The following FEZF1 variants were observed in gnomAD, a reference collection of about 807,000 sequenced individuals.
The protein encoded by FEZF1 is FEZ family zinc finger 1, also known as fez family zinc finger protein 1.
FEZF1 carries 8 observed loss-of-function variants against 32.4 expected under a neutral mutation model. That is an observed-to-expected ratio of 0.25 (90% CI 0.15 to 0.45). The LOEUF is 0.45. FEZF1 is among the 20% of genes least tolerant of loss of function. The pLI is 1.00. For synonymous variants in FEZF1, 259 were observed against 265.2 expected (o/e 0.98, Z 0.23); for missense variants, 546 against 622.3 (o/e 0.88, Z 1.31).
At position 122,302,385 on chromosome 7, in the gene FEZF1, T is replaced by C. The variant is rs767513577; in HGVS notation, c.1070-30A>G. 6.2e-7 allele frequency: 1 copy of C among 1,605,418 alleles called. No individual in the cohort carries two copies. The highest frequency in any genetic ancestry group is 1.4e-5 in the African/African-American group (1 of 70,308). Reference sequence around the variant, plus strand: ...AACACACAAATGACAGGAATATGGTTCTGAAAAAAAAAATAGCTTAAAAAG... The same window carrying C: ...AACACACAAATGACAGGAATATGGTCCTGAAAAAAAAAATAGCTTAAAAAG... On this transcript the variant is annotated intron_variant, in intron 3 of 3. Coordinates refer to ENST00000442488, the MANE Select transcript of FEZF1 (RefSeq NM_001024613.4). The surrounding 1 kb of genome is among the most constrained non-coding windows in gnomAD (Gnocchi z 4.4).
intron 1 of FEZF1, 148 bp from the exon 2 acceptor site, chr7:122,303,459 G>T (rs932957915): frequency 9.9e-7 from 1 of 1,005,404 alleles, no homozygotes; most frequent in African/African-American, 1.7e-5. Flanking sequence ...GGAAGGAAAG[G>T]AGGAGCGAGG....
In FEZF1 at chr7:122,304,272, A is replaced by C. The variant is rs1328821442; in HGVS notation, c.166T>G (p.Leu56Val). ...GAGTGCTTGGGTTCCCCCTTGGGTAAGGCTCCCTGCAGGAAGTGGGGGACT... is the reference window on the plus strand; with the variant it reads ...GAGTGCTTGGGTTCCCCCTTGGGTACGGCTCCCTGCAGGAAGTGGGGGACT... ...LPVPHFLQGA[L>V]PKGEPKHSLH... The change falls in exon 1 of 4, where the codon TTA becomes GTA. Residue 56 changes from leucine to valine, a missense_variant. By Grantham distance (32) the Leu-to-Val change is conservative. This residue lies in a region of FEZF1 where 345 missense variants were observed against 360.6 expected (regional missense o/e 0.96). Transcript: ENST00000442488. 18 of 1,610,186 alleles carry C rather than the reference A, an allele frequency of 1.1e-5. No individual in the cohort carries two copies. The highest frequency in any genetic ancestry group is 1.4e-5 in the Non-Finnish European group (17 of 1,177,876).
In FEZF1 at chr7:122,304,372, C is replaced by A; in HGVS notation, c.66G>T (p.Met22Ile). The change falls in exon 1 of 4, where the codon ATG (methionine) becomes ATT (isoleucine). Residue 22 changes from methionine to isoleucine, a missense_variant. Met to Ile is a conservative substitution (Grantham distance 10). Around this residue, in one of 3 missense-constraint regions of FEZF1, gnomAD observed 345 missense variants for 360.6 expected, o/e 0.96. Transcript: ENST00000442488. ...AAGCCAAGGGTTTGGACGTGCTCAT[C>A]ATGTTGCCCCGAGCTGGAGCAGTCG... The part of the protein sequence containing the change: ...MLATAPARGN[M>I]MSTSKPLAFS... 6.2e-7 allele frequency: 1 copy of A among 1,601,156 alleles called. No individual in the cohort carries two copies. The highest frequency in any genetic ancestry group is 1.1e-5 in the South Asian group (1 of 90,174).
rs557022623 is a variant in FEZF1 at position 122,304,113 on chromosome 7, C to A, written c.325G>T (p.Val109Leu). ...CAGCTGAATGCGGGAGCCGAGGGCA[C>A]CGCCGCGGGCGCCGCCGGGGCCTCC... The part of the protein sequence containing the change: ...SLEAPAAPAA[V>L]PSAPAFSCSD... Residue 109 changes from valine to leucine, a missense_variant, in exon 1 of 4, where the codon GTG (valine) becomes TTG (leucine). Val to Leu is a conservative substitution (Grantham distance 32). Coordinates refer to ENST00000442488, the MANE Select transcript of FEZF1 (RefSeq NM_001024613.4). 1 of 1,590,246 alleles carries A rather than the reference C, an allele frequency of 6.3e-7. No individual in the cohort carries two copies. Among genetic ancestry groups the A allele is most frequent in the East Asian group, 2.3e-5 (1 of 43,862 alleles).
chr7:122,309,771 G>A (rs1165164854), intron 1 of FEZF1: 40 of 152,222 alleles, frequency 2.6e-4, no homozygotes, highest in Admixed American at 2.6e-3. Context: ...TCTGGAAGGC[G>A]AACAATTAGA....
chr7:122,303,731 A>G lies in FEZF1; in HGVS notation c.707T>C (p.Leu236Pro), dbSNP rs1563042526. The G allele has an allele frequency of 6.2e-7, 1 of 1,614,228 alleles. No homozygotes were observed. Residue 236 changes from leucine to proline, a missense_variant, in exon 1 of 4, where the codon CTT (leucine) becomes CCT (proline). Leu to Pro is a moderately conservative substitution (Grantham distance 98). This residue lies in a region of FEZF1 where 345 missense variants were observed against 360.6 expected (regional missense o/e 0.96). Coordinates refer to ENST00000442488, the MANE Select transcript of FEZF1 (RefSeq NM_001024613.4). ...LQHYMKESAQ[L>P]LSEKIAFKTS... ...TTTGAACGCGATTTTTTCCGACAGA[A>G]GCTGGGCGCTTTCTTTCATGTAATG... is the stretch of plus-strand genomic sequence containing the variant.
In FEZF1 at chr7:122,304,697, A is replaced by G; in HGVS notation, c.-260T>C. On this transcript the variant is annotated 5_prime_UTR_variant, in exon 1 of 4. Coordinates refer to ENST00000442488, the MANE Select transcript of FEZF1 (RefSeq NM_001024613.4). Reference sequence around the variant, plus strand: ...TCTATCAATAGAAAGTGTTGTGTCAATAACGCAGCCAAGATCTCGCCAATC... The same window carrying G: ...TCTATCAATAGAAAGTGTTGTGTCAGTAACGCAGCCAAGATCTCGCCAATC... The G allele has an allele frequency of 2.4e-6, 1 of 415,244 alleles. No individual in the cohort carries two copies. The highest frequency in any genetic ancestry group is 3.5e-5 in the Admixed American group (1 of 28,260). 25.7% of individuals were successfully genotyped at this position (415,244 alleles called of 1,614,324 possible). A position where few individuals can be genotyped will look rare whatever the true frequency, so the allele number is the denominator to read the frequency against.
At position 122,301,647 on chromosome 7, in the gene FEZF1, A is replaced by G; in HGVS notation, c.*350T>C. 1 of 229,302 alleles carries G rather than the reference A, an allele frequency of 4.4e-6. No homozygotes were observed. Among genetic ancestry groups the G allele is most frequent in the Non-Finnish European group, 8.3e-6 (1 of 120,310 alleles). 14.2% of individuals were successfully genotyped at this position (229,302 alleles called of 1,614,324 possible). A position where few individuals can be genotyped will look rare whatever the true frequency, so the allele number is the denominator to read the frequency against. On this transcript the variant is annotated 3_prime_UTR_variant, in exon 4 of 4. Coordinates refer to ENST00000442488, the MANE Select transcript of FEZF1 (RefSeq NM_001024613.4). ...GGGTAGAATAATACAGATCTCAATA[A>G]ATATAGCAGAAATTTGTTTAAACAA... is the stretch of plus-strand genomic sequence containing the variant.
chr7:122,303,539 AGGG>A lies in FEZF1; in HGVS notation c.801+95_801+97del, dbSNP rs1392751928. Reference sequence around the variant, plus strand: ...GAAGGAAGGAAGGAAGGAAGGAAGGAGGGAGGGAAGGAAGGAGGGAAGGAGGGA... The same window carrying A: ...GAAGGAAGGAAGGAAGGAAGGAAGGAAGGGAAGGAAGGAGGGAAGGAGGGA... On this transcript the variant is annotated intron_variant, in intron 1 of 3. Coordinates refer to ENST00000442488, the MANE Select transcript of FEZF1 (RefSeq NM_001024613.4). 1.3e-3 allele frequency: 465 copies of A among 369,992 alleles called. 1 individual carries two copies. The highest frequency in any genetic ancestry group is 2.9e-3 in the Middle Eastern group (4 of 1,394). 22.9% of individuals were successfully genotyped at this position (369,992 alleles called of 1,614,324 possible).
chr7:122,309,360 C>T (rs2031365599), upstream of FEZF1, among the ~76,000 whole-genome samples: 1 of 152,106 alleles, frequency 6.6e-6, no homozygotes, highest in Admixed American at 6.5e-5. Flanking sequence ...GTCTCTAGAC[C>T]TTTGTTGTTA....
rs1405452827 is a variant in FEZF1 at position 122,301,772 on chromosome 7, A to C, written c.*225T>G. The C allele has an allele frequency of 1.6e-5, 7 of 449,022 alleles. No homozygotes were observed. The highest frequency in any genetic ancestry group is 2.0e-5 in the African/African-American group (1 of 49,272). The allele number at this position is 449,022 out of a possible 1,614,324, so 27.8% of individuals were successfully genotyped here. On this transcript the variant is annotated 3_prime_UTR_variant, in exon 4 of 4. Coordinates refer to ENST00000442488, the MANE Select transcript of FEZF1 (RefSeq NM_001024613.4). ...AACAGAAAACAAGCAAAACCCTCCA[A>C]ATTTTTCATAATTGTTAGTGCCTAT...
upstream of FEZF1, chr7:122,309,692 TG>T (rs2031373272): frequency 6.6e-6 from 1 of 152,222 alleles, no homozygotes; most frequent in Non-Finnish European, 1.5e-5. Flanking sequence ...ACCTTTACTG[TG>T]GAGCAACAGC....
At position 122,303,915 on chromosome 7, in the gene FEZF1, C is replaced by T. The variant is rs570196942; in HGVS notation, c.523G>A (p.Gly175Ser). 2 of 1,612,758 alleles carry T rather than the reference C, an allele frequency of 1.2e-6. No individual in the cohort carries two copies. The highest frequency in any genetic ancestry group is 1.7e-5 in the Admixed American group (1 of 59,796). Residue 175 changes from glycine to serine, a missense_variant, in exon 1 of 4, where the codon GGC becomes AGC. This residue lies in a region of FEZF1 where 345 missense variants were observed against 360.6 expected (regional missense o/e 0.96). Transcript: ENST00000442488. ...RGDGPCHPAA[G>S]VNIHPVASYF... Reference sequence around the variant, plus strand: ...GAGGCCACCGGGTGGATGTTCACGCCGGCTGCCGGGTGGCATGGGCCGTCA... The same window carrying T: ...GAGGCCACCGGGTGGATGTTCACGCTGGCTGCCGGGTGGCATGGGCCGTCA...
At position 122,302,388 on chromosome 7, in the gene FEZF1, G is replaced by GAAAAAA; in HGVS notation, c.1070-39_1070-34dup. ...ACACAAATGACAGGAATATGGTTCT[G>GAAAAAA]AAAAAAAAAATAGCTTAAAAAGGGA... On this transcript the variant is annotated intron_variant, in intron 3 of 3. Transcript: ENST00000442488. This position sits in a 1 kb window ranked among gnomAD's most constrained non-coding sequence, Gnocchi z 4.4. 1 of 1,515,424 alleles carries GAAAAAA rather than the reference G, an allele frequency of 6.6e-7. No homozygotes were observed. Among genetic ancestry groups the GAAAAAA allele is most frequent in the Admixed American group, 1.9e-5 (1 of 52,262 alleles). The allele number at this position is 1,515,424 out of a possible 1,614,324, so 93.9% of individuals were successfully genotyped here. A position where few individuals can be genotyped will look rare whatever the true frequency, so the allele number is the denominator to read the frequency against.
chr7:122,304,517 G>A lies in FEZF1; in HGVS notation c.-80C>T. On this transcript the variant is annotated 5_prime_UTR_variant, in exon 1 of 4. Transcript: ENST00000442488. ...GTTCCCTGCTTGTCACAGACCTGCG[G>A]AGAGGGGGACGGGCACCATCACCAC... 7.8e-7 allele frequency: 1 copy of A among 1,275,938 alleles called. No individual in the cohort carries two copies. The highest frequency in any genetic ancestry group is 1.7e-5 in the South Asian group (1 of 57,718). 79.0% of individuals were successfully genotyped at this position (1,275,938 alleles called of 1,614,324 possible). A position where few individuals can be genotyped will look rare whatever the true frequency, so the allele number is the denominator to read the frequency against.
rs757348473 is a variant in FEZF1, at chr7:122,304,374, T to C, written c.64A>G (p.Met22Val). 1.0e-5 allele frequency: 16 copies of C among 1,601,342 alleles called. No individual in the cohort carries two copies. The highest frequency in any genetic ancestry group is 2.2e-5 in the East Asian group (1 of 44,548). Reference sequence around the variant, plus strand: ...GCCAAGGGTTTGGACGTGCTCATCATGTTGCCCCGAGCTGGAGCAGTCGCT... The same window carrying C: ...GCCAAGGGTTTGGACGTGCTCATCACGTTGCCCCGAGCTGGAGCAGTCGCT... ...MLATAPARGN[M>V]MSTSKPLAFS... Residue 22 changes from methionine to valine, a missense_variant, in exon 1 of 4, where the codon ATG becomes GTG. Met to Val is a conservative substitution (Grantham distance 21). Around this residue, in one of 3 missense-constraint regions of FEZF1, gnomAD observed 345 missense variants for 360.6 expected, o/e 0.96. Transcript: ENST00000442488.
rs747228982 is a variant in FEZF1, at chr7:122,303,975, G to A, written c.463C>T (p.His155Tyr). 7 of 1,587,790 alleles carry A rather than the reference G, an allele frequency of 4.4e-6. No homozygotes were observed. In the Admixed American group the frequency reaches 1.3e-4, roughly 29 times the overall value. ...RPRVVNHSSF[H>Y]AMGALCYLNR... is the part of the protein sequence containing the mutation. ...AGGTAGCACAAGGCGCCCATGGCGT[G>A]GAATGAAGAGTGGTTGACCACACGC... Residue 155 changes from histidine (H) to tyrosine (Y), a missense_variant, in exon 1 of 4, where the codon CAC becomes TAC. This residue lies in a region of FEZF1 where 345 missense variants were observed against 360.6 expected (regional missense o/e 0.96). Coordinates refer to ENST00000442488, the MANE Select transcript of FEZF1 (RefSeq NM_001024613.4).
chr7:122,303,991 G>T lies in FEZF1; in HGVS notation c.447C>A (p.Val149=), dbSNP rs776884375. The T allele has an allele frequency of 4.1e-5, 65 of 1,576,654 alleles. No homozygotes were observed. The highest frequency in any genetic ancestry group is 5.3e-5 in the Non-Finnish European group (62 of 1,161,478). The change falls in exon 1 of 4, where the codon GTC becomes GTA. Residue 149 remains valine, a synonymous_variant. Coordinates refer to ENST00000442488, the MANE Select transcript of FEZF1 (RefSeq NM_001024613.4). The part of the protein sequence containing the change: ...QQYKLVRPRV[V]NHSSFHAMGA... ...CCATGGCGTGGAATGAAGAGTGGTTGACCACACGCGGCCTTACCAGCTTGT... is the reference window on the plus strand; with the variant it reads ...CCATGGCGTGGAATGAAGAGTGGTTTACCACACGCGGCCTTACCAGCTTGT...
At position 122,304,521 on chromosome 7, in the gene FEZF1, G is replaced by C. The variant is rs1198759070; in HGVS notation, c.-84C>G. ...CCTGCTTGTCACAGACCTGCGGAGA[G>C]GGGGACGGGCACCATCACCACCAGT... On this transcript the variant is annotated 5_prime_UTR_variant, in exon 1 of 4. Coordinates refer to ENST00000442488, the MANE Select transcript of FEZF1 (RefSeq NM_001024613.4). 21 of 1,227,120 alleles carry C rather than the reference G, an allele frequency of 1.7e-5. No homozygotes were observed. Among genetic ancestry groups the C allele is most frequent in the South Asian group, 3.6e-5 (2 of 55,424 alleles). The allele number at this position is 1,227,120 out of a possible 1,614,324, so 76.0% of individuals were successfully genotyped here. A position where few individuals can be genotyped will look rare whatever the true frequency, so the allele number is the denominator to read the frequency against.
Sources: gnomAD v4.1 joint callset for allele counts (sites outside exome capture counted in the v4.1 genomes callset) on GRCh38, gnomAD v4.1.1 for gene constraint, gnomAD v4.1.1 regional missense constraint, Gnocchi (gnomAD v3.1) non-coding constraint, MANE v1.5 for transcripts, NCBI Gene and HGNC (gene_info 2026-07-23, HGNC 2026-07-21) for gene names.